RBFOX1: variants seen among roughly 807,000 people sequenced by gnomAD.
RBFOX1 encodes the protein RNA binding protein fox-1 homolog 1.
Under a neutral mutation model 57.7 loss-of-function variants are expected in RBFOX1, and 8 were observed. That is an observed-to-expected ratio of 0.14 (90% CI 0.08 to 0.25). The LOEUF is 0.25. RBFOX1 is among the 10% of genes least tolerant of loss of function. RBFOX1 has a pLI of 1.00. For missense variants in RBFOX1, 611 were observed against 548.5 expected (o/e 1.11, Z -1.14); for synonymous variants, 326 against 222.4 (o/e 1.47, Z -4.15).
In RBFOX1 at chr16:5,831,787, T is replaced by C. The variant is rs541307405; in HGVS notation, c.319-35516T>C. 3.9e-5 allele frequency among the ~76,000 whole-genome samples: 6 copies of C among 152,262 alleles called. 1 individual carries two copies. The East Asian group carries it at 1.2e-3, about 29-fold the overall frequency. The stretch of plus-strand genomic sequence containing the variant: ...CGTGTCAAGTATTCCTTTTTAGCCA[T>C]GCAAGATGGCCTAATACTGTCTTCA... On this transcript the variant is annotated intron_variant, in intron 3 of 19. Transcript: ENST00000641259.
intron 3 of RBFOX1, among the ~76,000 whole-genome samples, chr16:6,920,934 C>T (rs539965056): frequency 1.3e-5 from 2 of 152,210 alleles, no homozygotes; most frequent in Non-Finnish European, 1.5e-5. Context: ...TTGCAGGACA[C>T]TATCTGGCTA....
At chr16:7,210,915 G>T (rs1225912370) in intron 4 of RBFOX1, among the ~76,000 whole-genome samples, 1 of 148,626 alleles carries the variant, frequency 6.7e-6, no homozygotes, top group African/African-American at 2.5e-5. Context: ...CACTATAAAA[G>T]AAAAAAAAAT....
intron 4 of RBFOX1, among the ~76,000 whole-genome samples, chr16:7,309,421 A>T (rs2096262574): frequency 6.6e-6 from 1 of 152,226 alleles, no homozygotes; most frequent in Non-Finnish European, 1.5e-5. Flanking sequence ...GCATCTGTTC[A>T]TCCACAGACC....
intron 10 of RBFOX1, among the ~76,000 whole-genome samples, chr16:7,628,484 G>C (rs1253042212): frequency 5.3e-5 from 8 of 152,090 alleles, no homozygotes; most frequent in Non-Finnish European, 5.9e-5. Flanking sequence ...GCCTCCCCTT[G>C]CTTGGTTTCA....
At chr16:7,683,448 A>G (rs2075365128) in intron 14 of RBFOX1, among the ~76,000 whole-genome samples, 1 of 152,000 alleles carries the variant, frequency 6.6e-6, no homozygotes, top group Non-Finnish European at 1.5e-5. Flanking sequence ...GCACTATTGG[A>G]TGAATATGTA....
chr16:7,103,320 C>T (rs2063018797), intron 4 of RBFOX1, among the ~76,000 whole-genome samples: 1 of 152,054 alleles, frequency 6.6e-6, no homozygotes, highest in Non-Finnish European at 1.5e-5. Context: ...AATGAGTAAT[C>T]ATTGTAGAAT....
At chr16:5,432,112 C>T (rs1315516913) in intron 1 of RBFOX1, among the ~76,000 whole-genome samples, 1 of 152,132 alleles carries the variant, frequency 6.6e-6, no homozygotes, top group African/African-American at 2.4e-5. Flanking sequence ...GCCAAGGGAG[C>T]CCCTTCTAGG....
chr16:5,378,954 C>G (rs1429334880), intron 1 of RBFOX1, among the ~76,000 whole-genome samples: 2 of 151,652 alleles, frequency 1.3e-5, no homozygotes, highest in East Asian at 3.8e-4. Flanking sequence ...TTCCCTTACT[C>G]TGCTGCCAAT....
chr16:6,697,639 A>G (rs2061251433), intron 3 of RBFOX1, among the ~76,000 whole-genome samples: 2 of 152,278 alleles, frequency 1.3e-5, no homozygotes, highest in South Asian at 4.1e-4. Flanking sequence ...CACCAAGCCA[A>G]GGTTATTTGC....
intron 2 of RBFOX1, among the ~76,000 whole-genome samples, chr16:5,471,903 C>T (rs915602885): frequency 1.6e-4 from 24 of 152,164 alleles, no homozygotes; most frequent in Admixed American, 7.9e-4. Flanking sequence ...ATGCCCTCAG[C>T]CCCGCTTCAT....
intron 2 of RBFOX1, among the ~76,000 whole-genome samples, chr16:5,472,099 C>T (rs182481909): frequency 9.2e-5 from 14 of 152,202 alleles, no homozygotes; most frequent in African/African-American, 2.4e-4. Context: ...TGTTATTTGC[C>T]GTCACACAGA....
chr16:6,581,110 T>C (rs7200087), intron 2 of RBFOX1, among the ~76,000 whole-genome samples: 78,979 of 151,340 alleles, frequency 0.52, 21,157 homozygotes, highest in East Asian at 0.67. Context: ...GTTATCCCCA[T>C]ATACTCTAAG....
chr16:6,895,195 C>G (rs978203782), intron 3 of RBFOX1, among the ~76,000 whole-genome samples: 5 of 151,816 alleles, frequency 3.3e-5, no homozygotes, highest in African/African-American at 7.3e-5. Context: ...TTGTGATGTT[C>G]TAGGAATTAA....
intron 3 of RBFOX1, among the ~76,000 whole-genome samples, chr16:7,005,384 G>T (rs2093208292): frequency 1.3e-5 from 2 of 152,054 alleles, no homozygotes; most frequent in African/African-American, 4.8e-5. Flanking sequence ...GGGATGGCAA[G>T]GAAACATCCC....
At chr16:5,581,928 G>C (rs1361752648) in intron 2 of RBFOX1, among the ~76,000 whole-genome samples, 1 of 152,216 alleles carries the variant, frequency 6.6e-6, no homozygotes, top group Non-Finnish European at 1.5e-5. Context: ...ATGTAGATGA[G>C]TAAGTGTAGT....
At chr16:6,199,136 A>G (rs1043173844) in intron 1 of RBFOX1, among the ~76,000 whole-genome samples, 1 of 152,174 alleles carries the variant, frequency 6.6e-6, no homozygotes, top group African/African-American at 2.4e-5. Context: ...ATATAAATGA[A>G]AAATATTCAT....
intron 2 of RBFOX1, among the ~76,000 whole-genome samples, chr16:6,435,327 G>A (rs1287582036): frequency 8.8e-6 from 1 of 113,400 alleles, no homozygotes; most frequent in Admixed American, 8.1e-5. Flanking sequence ...TTGAGACAGT[G>A]TCTCATTCTG....
intron 3 of RBFOX1, among the ~76,000 whole-genome samples, chr16:5,772,389 A>C (rs373416815): frequency 6.6e-6 from 1 of 151,956 alleles, no homozygotes; most frequent in Non-Finnish European, 1.5e-5. Flanking sequence ...CTTCTAACCC[A>C]CTGACTTGGG....
At chr16:6,903,889 G>A (rs140066965) in intron 3 of RBFOX1, among the ~76,000 whole-genome samples, 1 of 152,144 alleles carries the variant, frequency 6.6e-6, no homozygotes, top group Non-Finnish European at 1.5e-5. Flanking sequence ...GGAGCAAACA[G>A]CTTCTAGATC....
Sources: gnomAD v4.1 joint callset for allele counts (sites outside exome capture counted in the v4.1 genomes callset) on GRCh38, gnomAD v4.1.1 for gene constraint, MANE v1.5 for transcripts, NCBI Gene and HGNC (gene_info 2026-07-23, HGNC 2026-07-21) for gene names.